ROBO2: variants seen among roughly 807,000 people sequenced by gnomAD.
The protein encoded by ROBO2 is roundabout guidance receptor 2.
ROBO2 carries 53 observed loss-of-function variants against 160.8 expected under a neutral mutation model. That is an observed-to-expected ratio of 0.33 (90% confidence interval 0.26 to 0.41). The LOEUF (loss-of-function observed/expected upper bound fraction) is 0.41, where lower values mean the gene tolerates loss of function less well. Ranked by LOEUF, ROBO2 falls within the 10% of genes least tolerant of loss-of-function variation. The probability of loss-of-function intolerance (pLI) is 1.00; values close to 1 mark genes in which losing one functional copy is unlikely to be tolerated. For missense variants in ROBO2, 1,577 were observed against 1,722.4 expected (o/e 0.92, Z 1.49); for synonymous variants, 664 against 611.7 (o/e 1.09, Z -1.26).
At chr3:76,099,148 T>C (rs1009429966) in intron 2 of ROBO2, among the ~76,000 whole-genome samples, 4 of 152,160 alleles carry the variant, frequency 2.6e-5, no homozygotes, top group Non-Finnish European at 4.4e-5. Context: ...CTGAGAAAGT[T>C]AGTTATTACT....
chr3:76,058,551 C>T lies in ROBO2; in HGVS notation c.109+120949C>T, dbSNP rs181599098. On this transcript the variant is annotated intron_variant, in intron 2 of 26. Transcript: ENST00000487694. Reference sequence around the variant, plus strand: ...AGAGTGACGATTTCCACTTGATGAACGTTGCACATGAACTATCACACGTCG... The same window carrying T: ...AGAGTGACGATTTCCACTTGATGAATGTTGCACATGAACTATCACACGTCG... Among the ~76,000 whole-genome samples the T allele has an allele frequency of 1.5e-3, 201 of 136,312 alleles. 3 individuals are homozygous for T. Among genetic ancestry groups the T allele is most frequent in the Non-Finnish European group, 2.5e-3 (161 of 65,282 alleles). 89.4% of individuals were successfully genotyped at this position (136,312 alleles called of 152,430 possible).
At chr3:76,043,307 G>A (rs1385492420) in intron 2 of ROBO2, among the ~76,000 whole-genome samples, 1 of 151,614 alleles carries the variant, frequency 6.6e-6, no homozygotes, top group African/African-American at 2.4e-5. Flanking sequence ...CTTTTCGTTT[G>A]TAAGGGGTCT....
chr3:77,564,826 A>G, intron 11 of ROBO2, 128 bp from the exon 13 acceptor site: 1 of 832,048 alleles, frequency 1.2e-6, no homozygotes, highest in Non-Finnish European at 2.0e-6. Flanking sequence ...TGGGCTGAAT[A>G]CTTCAAGTGT....
chr3:76,160,542 A>G (rs1426984131), intron 2 of ROBO2, among the ~76,000 whole-genome samples: 2 of 152,134 alleles, frequency 1.3e-5, no homozygotes, highest in Non-Finnish European at 2.9e-5. Flanking sequence ...CTTCATCTTC[A>G]TCGCTGTGTC....
chr3:76,516,739 A>G (rs2081364629), intron 2 of ROBO2, among the ~76,000 whole-genome samples: 1 of 152,140 alleles, frequency 6.6e-6, no homozygotes. Flanking sequence ...ACTAAGATCA[A>G]ATTTTCTGTA....
chr3:77,624,393 G>A (rs2094962481), intron 23 of ROBO2, among the ~76,000 whole-genome samples: 1 of 152,134 alleles, frequency 6.6e-6, no homozygotes, highest in African/African-American at 2.4e-5. Context: ...TGTGTAGGGA[G>A]TGAGTACGTG....
At chr3:76,584,227 C>T (rs1177719564) in intron 2 of ROBO2, among the ~76,000 whole-genome samples, 2 of 152,088 alleles carry the variant, frequency 1.3e-5, no homozygotes, top group Non-Finnish European at 2.9e-5. Context: ...CGTAGAACTG[C>T]ATATAAGATG....
At chr3:77,070,562 A>G (rs1178200769) in intron 1 of ROBO2, among the ~76,000 whole-genome samples, 1 of 152,104 alleles carries the variant, frequency 6.6e-6, no homozygotes, top group Non-Finnish European at 1.5e-5. Context: ...GGCATTGTGG[A>G]TGGGCATGGA....
chr3:77,038,719 C>T (rs1373631572), upstream of ROBO2, among the ~76,000 whole-genome samples: 6 of 152,204 alleles, frequency 3.9e-5, no homozygotes, highest in African/African-American at 1.4e-4. Context: ...CGCACCGGGG[C>T]ACCGCCGACA....
chr3:76,304,256 G>T (rs2071214581), intron 2 of ROBO2, among the ~76,000 whole-genome samples: 1 of 152,206 alleles, frequency 6.6e-6, no homozygotes, highest in South Asian at 2.1e-4. Flanking sequence ...AGCTAGAAAG[G>T]ATGTATACGA....
intron 2 of ROBO2, among the ~76,000 whole-genome samples, chr3:76,289,571 T>G (rs1414697041): frequency 6.6e-6 from 1 of 152,194 alleles, no homozygotes; most frequent in Non-Finnish European, 1.5e-5. Context: ...TGCTGGAGCC[T>G]AGGTACACAA....
chr3:76,961,021 T>G (rs2079607666), intron 2 of ROBO2, among the ~76,000 whole-genome samples: 1 of 152,108 alleles, frequency 6.6e-6, no homozygotes, highest in African/African-American at 2.4e-5. Context: ...TGTAAAGTCT[T>G]TTATATAAGC....
chr3:76,641,714 A>C (rs946964794), intron 2 of ROBO2, among the ~76,000 whole-genome samples: 2 of 152,144 alleles, frequency 1.3e-5, no homozygotes, highest in African/African-American at 4.8e-5. Context: ...CTTGGTCTGG[A>C]TAATTATAGT....
At chr3:77,311,808 C>T (rs948934521) in intron 2 of ROBO2, among the ~76,000 whole-genome samples, 18 of 152,084 alleles carry the variant, frequency 1.2e-4, no homozygotes, top group South Asian at 2.1e-4. Flanking sequence ...GACTCAGGGC[C>T]GGGCGCAGTG....
At chr3:76,360,445 A>G (rs2075441340) in intron 2 of ROBO2, among the ~76,000 whole-genome samples, 1 of 152,106 alleles carries the variant, frequency 6.6e-6, no homozygotes, top group Non-Finnish European at 1.5e-5. Context: ...GACTTTGGAT[A>G]CAAAAAAGAA....
At chr3:75,911,898 C>T (rs1946610172) in intron 1 of ROBO2, among the ~76,000 whole-genome samples, 1 of 152,102 alleles carries the variant, frequency 6.6e-6, no homozygotes, top group Non-Finnish European at 1.5e-5. Flanking sequence ...AGAATGCCTG[C>T]TATGAAGAGT....
rs115166567 is a variant in ROBO2, at chr3:77,303,294, A to C, written c.389-174120A>C. Among the ~76,000 whole-genome samples, 1,188 of 152,270 alleles carry C rather than the reference A, an allele frequency of 7.8e-3. 13 individuals are homozygous for C. Among genetic ancestry groups the C allele is most frequent in the African/African-American group, 0.027 (1,122 of 41,554 alleles). On this transcript the variant is annotated intron_variant, in intron 2 of 25. Coordinates refer to ENST00000461745, the Ensembl canonical transcript of ROBO2. ...TAAGTACAGATCACACAGAGTGGACACTCCCTAGTTAAGTTGTTGAATGGT... is the reference window on the plus strand; with the variant it reads ...TAAGTACAGATCACACAGAGTGGACCCTCCCTAGTTAAGTTGTTGAATGGT...
chr3:77,503,752 T>C (rs2088026799), intron 5 of ROBO2, among the ~76,000 whole-genome samples: 1 of 152,020 alleles, frequency 6.6e-6, no homozygotes, highest in African/African-American at 2.4e-5. Flanking sequence ...TTTTCATTTT[T>C]TTAAAACTAT....
At position 76,461,411 on chromosome 3, in the gene ROBO2, C is replaced by G. The variant is rs532674306; in HGVS notation, c.109+523809C>G. Among the ~76,000 whole-genome samples, 28 of 152,136 alleles carry G rather than the reference C, an allele frequency of 1.8e-4. 1 individual carries two copies. In the South Asian group the frequency reaches 5.6e-3, roughly 30 times the overall value. On this transcript the variant is annotated intron_variant, in intron 2 of 26. Coordinates refer to the ROBO2 transcript ENST00000487694. ...ACAAATATCTAGTCTATATCAACCA[C>G]TATTGTAGAACAATAATAAGAGTAT...
Sources: gnomAD v4.1 joint callset for allele counts (sites outside exome capture counted in the v4.1 genomes callset) on GRCh38, gnomAD v4.1.1 for gene constraint, MANE v1.5 for transcripts, NCBI Gene and HGNC (gene_info 2026-07-23, HGNC 2026-07-21) for gene names.